PAPPA2: variants seen among roughly 807,000 people sequenced by gnomAD.
The protein encoded by PAPPA2 is pappalysin-2.
PAPPA2 carries 86 observed loss-of-function variants against 176.4 expected under a neutral mutation model. The observed-to-expected ratio is 0.49, with a 90% CI of 0.41 to 0.58. The LOEUF is 0.58. PAPPA2 is among the 20% of genes least tolerant of loss of function. PAPPA2 has a pLI of 0.00. For synonymous variants in PAPPA2, 809 were observed against 852.2 expected (o/e 0.95, Z 0.88); for missense variants, 2,073 against 2,256.9 (o/e 0.92, Z 1.65).
At chr1:176,669,377 C>T (rs577288790) in intron 3 of PAPPA2, among the ~76,000 whole-genome samples, 1 of 152,102 alleles carries the variant, frequency 6.6e-6, no homozygotes, top group South Asian at 2.1e-4. Flanking sequence ...ATGTTGAAGA[C>T]TCACTTGATA....
intron 21 of PAPPA2, among the ~76,000 whole-genome samples, chr1:176,828,332 C>A (rs73050113): frequency 1.3e-5 from 2 of 151,976 alleles, no homozygotes; most frequent in African/African-American, 2.4e-5. Context: ...CTATATAAAA[C>A]AAAAATAGCA....
intron 21 of PAPPA2, among the ~76,000 whole-genome samples, chr1:176,831,110 T>C (rs77697323): frequency 1.1e-4 from 16 of 152,150 alleles, no homozygotes; most frequent in Non-Finnish European, 2.1e-4. Flanking sequence ...TTTTAGGACA[T>C]GGAGTTGGGT....
At chr1:176,707,194 T>C (rs1427071698) in intron 10 of PAPPA2, among the ~76,000 whole-genome samples, 5 of 152,200 alleles carry the variant, frequency 3.3e-5, no homozygotes, top group Non-Finnish European at 7.4e-5. Flanking sequence ...AAAATAGCAG[T>C]GCATTTAAAA....
In PAPPA2 at chr1:176,771,183, A is replaced by G; in HGVS notation, c.4715+3A>G. The G allele has an allele frequency of 1.2e-6, 2 of 1,613,314 alleles. No individual in the cohort carries two copies. Among genetic ancestry groups the G allele is most frequent in the Non-Finnish European group, 1.7e-6 (2 of 1,179,286 alleles). On this transcript the variant is annotated splice_donor_region_variant and intron_variant, in intron 17 of 22. Coordinates refer to ENST00000367662, the MANE Select transcript of PAPPA2 (RefSeq NM_020318.3). ...AGTGCAGAGGGTAAAGTCAGGAAGT[A>G]AGTTGAATGTTCCTGGTCTTTGGAG...
chr1:176,596,002 A>G (rs1203206841), intron 3 of PAPPA2, among the ~76,000 whole-genome samples: 1 of 152,222 alleles, frequency 6.6e-6, no homozygotes, highest in Non-Finnish European at 1.5e-5. Context: ...AATACTTCCT[A>G]TAGTCTTAGC....
At chr1:176,671,658 A>C (rs1379641852) in intron 4 of PAPPA2, among the ~76,000 whole-genome samples, 1 of 152,132 alleles carries the variant, frequency 6.6e-6, no homozygotes, top group African/African-American at 2.4e-5. Context: ...CTTGGAATCA[A>C]CCCAAATGTC....
chr1:176,719,503 T>C (rs1434304602), intron 12 of PAPPA2, among the ~76,000 whole-genome samples: 1 of 152,224 alleles, frequency 6.6e-6, no homozygotes, highest in African/African-American at 2.4e-5. Flanking sequence ...CAGCATTTTA[T>C]CCTTTGCACT....
At chr1:176,591,469 T>C (rs1474459808) in intron 2 of PAPPA2, among the ~76,000 whole-genome samples, 1 of 148,534 alleles carries the variant, frequency 6.7e-6, no homozygotes, top group Admixed American at 6.7e-5. Context: ...GTCCTTTTGC[T>C]GCTCCCAGAG....
intron 12 of PAPPA2, among the ~76,000 whole-genome samples, chr1:176,717,618 G>C (rs1283701096): frequency 6.6e-6 from 1 of 152,130 alleles, no homozygotes; most frequent in East Asian, 1.9e-4. Context: ...TTCTTTCCTG[G>C]GCAAAGCCAA....
intron 3 of PAPPA2, among the ~76,000 whole-genome samples, chr1:176,659,027 G>A (rs1053758296): frequency 4.6e-5 from 7 of 152,012 alleles, no homozygotes; most frequent in African/African-American, 1.7e-4. Context: ...GGATGCATAG[G>A]TGTCTAGCTA....
At chr1:176,477,103 A>T (rs1220058044) in intron 1 of PAPPA2, among the ~76,000 whole-genome samples, 4 of 152,198 alleles carry the variant, frequency 2.6e-5, no homozygotes, top group Non-Finnish European at 1.5e-5. Flanking sequence ...AACTGCTCTC[A>T]GGAAGAGAAA....
chr1:176,796,994 T>C (rs368628947), intron 20 of PAPPA2, among the ~76,000 whole-genome samples: 44 of 152,316 alleles, frequency 2.9e-4, no homozygotes, highest in African/African-American at 1.0e-3. Flanking sequence ...ATTTTTAAAC[T>C]AATTTTCTCT....
intron 12 of PAPPA2, among the ~76,000 whole-genome samples, chr1:176,739,171 G>T (rs1315487914): frequency 1.3e-5 from 2 of 152,188 alleles, no homozygotes; most frequent in African/African-American, 4.8e-5. Flanking sequence ...GATGGGGAAA[G>T]ATAACTAGAC....
At chr1:176,749,571 C>T (rs930225406) in intron 14 of PAPPA2, among the ~76,000 whole-genome samples, 9 of 152,138 alleles carry the variant, frequency 5.9e-5, no homozygotes, top group African/African-American at 2.2e-4. Context: ...TTGTCACTGC[C>T]CTAAAAATCC....
Position 176,770,580 on chromosome 1 carries a change from G to A in PAPPA2, c.4502-387G>A, listed in dbSNP as rs144218076. Among the ~76,000 whole-genome samples the A allele has an allele frequency of 3.4e-3, 511 of 152,216 alleles. 4 individuals carry two copies. The highest frequency in any genetic ancestry group is 0.012 in the African/African-American group (492 of 41,542). On this transcript the variant is annotated intron_variant, in intron 16 of 22. Transcript: ENST00000367662. ...TTACACACGTTAATACATGTAAAATGCTTAGAATAGTGCCTGCCATATAAT... is the reference window on the plus strand; with the variant it reads ...TTACACACGTTAATACATGTAAAATACTTAGAATAGTGCCTGCCATATAAT...
chr1:176,496,055 G>A (rs947381301), intron 1 of PAPPA2, among the ~76,000 whole-genome samples: 6 of 151,958 alleles, frequency 3.9e-5, no homozygotes, highest in African/African-American at 9.7e-5. Flanking sequence ...ATATATTCAG[G>A]CTATGACAAT....
chr1:176,677,304 G>A (rs10913239), intron 4 of PAPPA2, among the ~76,000 whole-genome samples: 37,921 of 152,066 alleles, frequency 0.25, 4,874 homozygotes, highest in South Asian at 0.34. Context: ...CTGCTGAGTG[G>A]ACTAGCAGAT....
intron 21 of PAPPA2, among the ~76,000 whole-genome samples, chr1:176,834,223 A>C (rs1203314020): frequency 6.6e-6 from 1 of 152,238 alleles, no homozygotes; most frequent in African/African-American, 2.4e-5. Context: ...CAAATATACC[A>C]TAACTCAGAG....
chr1:176,793,816 C>T (rs1451099128), intron 20 of PAPPA2, 147 bp downstream of exon 20: 2 of 591,966 alleles, frequency 3.4e-6, no homozygotes, highest in Non-Finnish European at 2.8e-6. Context: ...AAGGATTAAA[C>T]ATTGAAAAGA....
Sources: gnomAD v4.1 joint callset for allele counts (sites outside exome capture counted in the v4.1 genomes callset) on GRCh38, gnomAD v4.1.1 for gene constraint, MANE v1.5 for transcripts, NCBI Gene and HGNC (gene_info 2026-07-23, HGNC 2026-07-21) for gene names.